EVC: variants seen among roughly 807,000 people sequenced by gnomAD.
EVC encodes the protein EvC ciliary complex subunit 1, also known as evC complex member EVC.
Under a neutral mutation model 118.9 loss-of-function variants are expected in EVC, and 116 were observed. That is an observed-to-expected ratio of 0.98 (90% CI 0.84 to 1.14). The LOEUF is 1.14. Among genes scored for constraint, EVC ranks in the 50% most tolerant of loss-of-function variants. EVC has a pLI of 0.00. For synonymous variants in EVC, 619 were observed against 534.7 expected (o/e 1.16, Z -2.18); for missense variants, 1,401 against 1,246.4 (o/e 1.12, Z -1.87).
intron 11 of EVC, among the ~76,000 whole-genome samples, chr4:5,757,126 C>T (rs1014851064): frequency 6.6e-6 from 1 of 152,174 alleles, no homozygotes; most frequent in African/African-American, 2.4e-5. Flanking sequence ...AGTCATAATT[C>T]TTCTTCATGG....
At chr4:5,787,417 A>G (rs1711889231) in intron 12 of EVC, among the ~76,000 whole-genome samples, 1 of 152,232 alleles carries the variant, frequency 6.6e-6, no homozygotes, top group Admixed American at 6.5e-5. Flanking sequence ...TATAAGTGAA[A>G]AAGGAGCAGC....
intron 11 of EVC, among the ~76,000 whole-genome samples, chr4:5,764,839 C>T (rs1577487020): frequency 7.0e-6 from 1 of 143,708 alleles, no homozygotes; most frequent in Admixed American, 6.8e-5. Context: ...TTTGTTGATC[C>T]TTTCAAAAAA....
At position 5,783,577 on chromosome 4, in the gene EVC, C is replaced by T. The variant is rs1735956373; in HGVS notation, c.1589C>T (p.Thr530Ile). 1.2e-6 allele frequency: 2 copies of T among 1,614,162 alleles called. No homozygotes were observed. Among genetic ancestry groups the T allele is most frequent in the Non-Finnish European group, 1.7e-6 (2 of 1,180,020 alleles). The change falls in exon 12 of 21, where the codon ACT becomes ATT. Residue 530 changes from threonine (T) to isoleucine (I), a missense_variant. Transcript: ENST00000264956. ...GAGCTGTACTTCAGCACCGTGGACA[C>T]TTTCCAGAAGTTCGTGGATGCCCTG... The part of the protein sequence containing the change: ...CQELYFSTVD[T>I]FQKFVDALFL...
chr4:5,802,676 C>G (rs1431198374), intron 16 of EVC, among the ~76,000 whole-genome samples: 1 of 152,172 alleles, frequency 6.6e-6, no homozygotes. Flanking sequence ...ACCTAGATCC[C>G]TCGCATGTGC....
At chr4:5,803,796 C>T (rs778236160) in intron 16 of EVC, among the ~76,000 whole-genome samples, 3 of 152,198 alleles carry the variant, frequency 2.0e-5, no homozygotes, top group South Asian at 4.1e-4. Flanking sequence ...GGCCTCCTGC[C>T]GTGGCCACTG....
chr4:5,758,214 C>G, intron 11 of EVC: 1 of 689,040 alleles, frequency 1.5e-6, no homozygotes, highest in Admixed American at 2.1e-5. Flanking sequence ...AAGGGCCCCT[C>G]CCAGAGCCTT....
chr4:5,711,498 C>G lies in EVC; in HGVS notation c.118C>G (p.Leu40Val). 7 of 1,142,004 alleles carry G rather than the reference C, an allele frequency of 6.1e-6. No individual in the cohort carries two copies. Among genetic ancestry groups the G allele is most frequent in the Non-Finnish European group, 7.5e-6 (7 of 931,616 alleles). 70.7% of individuals were successfully genotyped at this position (1,142,004 alleles called of 1,614,324 possible). Reference protein sequence around the residue: ...PAVLLGAALGLGLGLWLGCRA... With the variant: ...PAVLLGAALGVGLGLWLGCRA... ...CGTGCTGCTGGGCGCCGCGCTCGGC[C>G]TCGGCCTCGGCCTTTGGCTTGGCTG... The change falls in exon 1 of 21, where the codon CTC (leucine) becomes GTC (valine). Residue 40 changes from leucine to valine, a missense_variant. Leu to Val is a conservative substitution (Grantham distance 32). Coordinates refer to ENST00000264956, the MANE Select transcript of EVC (RefSeq NM_153717.3).
At chr4:5,817,001 G>T (rs1285031699), downstream of EVC, among the ~76,000 whole-genome samples, 1 of 152,184 alleles carries the variant, frequency 6.6e-6, no homozygotes, top group African/African-American at 2.4e-5. Flanking sequence ...CCTCCGTCAT[G>T]CTCTGGGCAA....
Position 5,733,401 on chromosome 4 carries a change from A to T in EVC, c.668A>T (p.His223Leu), listed in dbSNP as rs776205592. 1.2e-6 allele frequency: 2 copies of T among 1,614,128 alleles called. No individual in the cohort carries two copies. Among genetic ancestry groups the T allele is most frequent in the Non-Finnish European group, 1.7e-6 (2 of 1,180,002 alleles). Residue 223 changes from histidine (H) to leucine (L), a missense_variant, in exon 5 of 21, where the codon CAT becomes CTT. Coordinates refer to ENST00000264956, the MANE Select transcript of EVC (RefSeq NM_153717.3). ...AGCCTTCACTTAAAAGACCTGCTGC[A>T]TTTGGACACGGCACTGAGGCAGGAA... is the stretch of plus-strand genomic sequence containing the variant. The part of the protein sequence containing the change: ...IYSLHLKDLL[H>L]LDTALRQEKH...
intron 5 of EVC, 55 bp from the exon 6 acceptor site, chr4:5,741,661 C>T (rs937610681): frequency 1.8e-6 from 2 of 1,087,352 alleles, no homozygotes; most frequent in African/African-American, 3.1e-5. Context: ...AAGCAAAAGA[C>T]AAAAATACCA....
rs1714473055 is a variant in EVC, at chr4:5,798,886, G to C, written c.2304+94G>C. 1 of 1,349,524 alleles carries C rather than the reference G, an allele frequency of 7.4e-7. No homozygotes were observed. Among genetic ancestry groups the C allele is most frequent in the Non-Finnish European group, 1.0e-6 (1 of 964,112 alleles). 83.6% of individuals were successfully genotyped at this position (1,349,524 alleles called of 1,614,324 possible). On this transcript the variant is annotated intron_variant, in intron 15 of 20. Coordinates refer to ENST00000264956, the MANE Select transcript of EVC (RefSeq NM_153717.3). This position sits in a 1 kb window ranked among gnomAD's most constrained non-coding sequence, Gnocchi z 4.1. Reference sequence around the variant, plus strand: ...TCTGCTCCTTGCCACACCGTTCATGGAGCTTGTGGCCTAGTAGACTTTGCC... The same window carrying C: ...TCTGCTCCTTGCCACACCGTTCATGCAGCTTGTGGCCTAGTAGACTTTGCC...
rs1191431144 is a variant in EVC, at chr4:5,798,508, G to T, written c.2098-78G>T. Reference sequence around the variant, plus strand: ...AACCCCTGGGCCCTGGATAGGACCAGCCCCACATCCCAGTCCTGGCCAGAG... The same window carrying T: ...AACCCCTGGGCCCTGGATAGGACCATCCCCACATCCCAGTCCTGGCCAGAG... On this transcript the variant is annotated intron_variant, in intron 14 of 20. Transcript: ENST00000264956. The surrounding 1 kb of genome is among the most constrained non-coding windows in gnomAD (Gnocchi z 4.1). 2.1e-6 allele frequency: 3 copies of T among 1,445,038 alleles called. No homozygotes were observed. The highest frequency in any genetic ancestry group is 2.9e-6 in the Non-Finnish European group (3 of 1,052,570). 89.5% of individuals were successfully genotyped at this position (1,445,038 alleles called of 1,614,324 possible).
chr4:5,767,051 G>A (rs1364385776), intron 11 of EVC, among the ~76,000 whole-genome samples: 4 of 148,940 alleles, frequency 2.7e-5, no homozygotes, highest in Non-Finnish European at 6.0e-5. Flanking sequence ...TTTGGACTTT[G>A]ACGATGGTGA....
Position 5,754,128 on chromosome 4 carries a change from TA to T in EVC, c.1464+197del, listed in dbSNP as rs1730820805. On this transcript the variant is annotated intron_variant, in intron 10 of 20. Coordinates refer to ENST00000264956, the MANE Select transcript of EVC (RefSeq NM_153717.3). This position sits in a 1 kb window ranked among gnomAD's most constrained non-coding sequence, Gnocchi z 5.8. The stretch of plus-strand genomic sequence containing the variant: ...GTCCTAGTGGACTGTAAGCTGGTGA[TA>T]AGAGTTGTGCTGCCCTCACTGGGCT... Among the ~76,000 whole-genome samples the T allele has an allele frequency of 6.6e-6, 1 of 152,116 alleles. No individual in the cohort carries two copies. Among genetic ancestry groups the T allele is most frequent in the Non-Finnish European group, 1.5e-5 (1 of 68,022 alleles).
At chr4:5,763,580 G>A (rs1425815814) in intron 11 of EVC, among the ~76,000 whole-genome samples, 1 of 130,278 alleles carries the variant, frequency 7.7e-6, no homozygotes, top group East Asian at 2.2e-4. Flanking sequence ...ATTTCATTGA[G>A]CAGTGGTTTG....
chr4:5,826,952 G>C, the EVC span: 1 of 152,546 alleles, frequency 6.6e-6, no homozygotes. Flanking sequence ...CGACTCCCTG[G>C]GCCTCACTGT....
At chr4:5,750,840 A>G (rs1183035742) in intron 8 of EVC, among the ~76,000 whole-genome samples, 2 of 152,144 alleles carry the variant, frequency 1.3e-5, no homozygotes, top group Non-Finnish European at 2.9e-5. Flanking sequence ...TAGAAGAGGG[A>G]TGGATTCACT....
intron 11 of EVC, among the ~76,000 whole-genome samples, chr4:5,762,101 T>A (rs1732143772): frequency 7.2e-6 from 1 of 138,742 alleles, no homozygotes; most frequent in Non-Finnish European, 1.5e-5. Flanking sequence ...CCTTCCTGTG[T>A]CCATGAGTTC....
intron 1 of EVC, among the ~76,000 whole-genome samples, chr4:5,718,514 A>G (rs1458845208): frequency 6.6e-6 from 1 of 152,132 alleles, no homozygotes; most frequent in Non-Finnish European, 1.5e-5. Context: ...AAAGCACAGA[A>G]ATGCAAAAAC....
Sources: gnomAD v4.1 joint callset for allele counts (sites outside exome capture counted in the v4.1 genomes callset) on GRCh38, gnomAD v4.1.1 for gene constraint, Gnocchi (gnomAD v3.1) non-coding constraint, MANE v1.5 for transcripts, NCBI Gene and HGNC (gene_info 2026-07-23, HGNC 2026-07-21) for gene names.